The following EVA1C variants were observed in gnomAD, a reference collection of about 807,000 sequenced individuals.
EVA1C encodes the protein protein eva-1 homolog C.
A neutral mutation model predicts 45.4 loss-of-function variants in EVA1C; 25 were observed. The ratio of observed to expected loss-of-function variants is 0.55; its 90% CI spans 0.40 to 0.77. The LOEUF is 0.77. Ranked by LOEUF, EVA1C falls within the 30% of genes least tolerant of loss-of-function variation. The pLI, the probability that EVA1C is intolerant of heterozygous loss-of-function variation, is 0.00. For synonymous variants in EVA1C, 190 were observed against 221.2 expected, an observed-to-expected ratio of 0.86 and a Z score of 1.25; for missense variants, 479 against 554.8, an observed-to-expected ratio of 0.86 and a Z score of 1.37.
At chr21:32,471,030 A>T (rs2036351985) in intron 4 of EVA1C, among the ~76,000 whole-genome samples, 2 of 151,948 alleles carry the variant, frequency 1.3e-5, no homozygotes, top group Admixed American at 1.3e-4. Context: ...CAGTACTGGG[A>T]TTACAGGCGT....
rs764191574 is a variant in EVA1C at position 32,453,495 on chromosome 21, C to G, written c.344C>G (p.Ala115Gly). 8.1e-6 allele frequency: 13 copies of G among 1,603,626 alleles called. No individual in the cohort carries two copies. Among genetic ancestry groups the G allele is most frequent in the African/African-American group, 4.0e-5 (3 of 74,752 alleles). ...GAAGACAGCTTAACCTGTGTGGCAGCCACCACCTTCCAGGTATTGCCTTTT... is the reference window on the plus strand; with the variant it reads ...GAAGACAGCTTAACCTGTGTGGCAGGCACCACCTTCCAGGTATTGCCTTTT... Reference protein sequence around the residue: ...QREDSLTCVAATTFQKVLDEC... With the variant: ...QREDSLTCVAGTTFQKVLDEC... Residue 115 changes from alanine to glycine, a missense_variant, in exon 2 of 8, where the codon GCC becomes GGC. Physicochemically the swap from Ala to Gly is moderately conservative, Grantham distance 60. Around this residue, in one of 3 missense-constraint regions of EVA1C, gnomAD observed 366 missense variants for 426.1 expected, o/e 0.86. Transcript: ENST00000300255.
chr21:32,450,066 T>C (rs545060561), intron 1 of EVA1C, among the ~76,000 whole-genome samples: 1 of 152,348 alleles, frequency 6.6e-6, no homozygotes, highest in South Asian at 2.1e-4. Context: ...GTCAATTCTA[T>C]GCACTGAGCT....
chr21:32,423,965 C>T (rs1041592850), intron 1 of EVA1C, among the ~76,000 whole-genome samples: 2 of 152,136 alleles, frequency 1.3e-5, no homozygotes, highest in African/African-American at 4.8e-5. Flanking sequence ...GAATGATCTC[C>T]AAAACAAATC....
At chr21:32,510,043 CTTTTTT>C (rs58017017) in intron 7 of EVA1C, among the ~76,000 whole-genome samples, 1 of 114,530 alleles carries the variant, frequency 8.7e-6, no homozygotes, top group African/African-American at 3.8e-5. Context: ...TCCGACATTC[CTTTTTT>C]TTTTTTTTTT....
chr21:32,463,759 A>T (rs2036081700), intron 3 of EVA1C, among the ~76,000 whole-genome samples: 1 of 151,408 alleles, frequency 6.6e-6, no homozygotes, highest in Admixed American at 6.6e-5. Context: ...AACCTCTTGT[A>T]ACTTTTAAAT....
intron 3 of EVA1C, among the ~76,000 whole-genome samples, chr21:32,458,460 C>G (rs1353296424): frequency 1.4e-5 from 2 of 147,362 alleles, no homozygotes; most frequent in African/African-American, 5.0e-5. Flanking sequence ...TGTGTTTAAC[C>G]AAAAAAATGA....
At chr21:32,499,586 C>G (rs1220231842) in intron 5 of EVA1C, among the ~76,000 whole-genome samples, 1 of 152,230 alleles carries the variant, frequency 6.6e-6, no homozygotes, top group Non-Finnish European at 1.5e-5. Flanking sequence ...TAGTTAAGCC[C>G]TCTGAGAGAG....
intron 3 of EVA1C, among the ~76,000 whole-genome samples, chr21:32,466,168 C>G (rs1292094233): frequency 6.6e-6 from 1 of 152,194 alleles, no homozygotes; most frequent in South Asian, 2.1e-4. Flanking sequence ...CGCCTGTAAT[C>G]CCAGCACTTT....
chr21:32,498,189 G>A (rs1291500819), intron 5 of EVA1C, among the ~76,000 whole-genome samples: 5 of 152,210 alleles, frequency 3.3e-5, no homozygotes, highest in African/African-American at 9.6e-5. Flanking sequence ...GCTCACGCCT[G>A]TAATCCCAGC....
intron 1 of EVA1C, among the ~76,000 whole-genome samples, chr21:32,437,571 G>T (rs2035007346): frequency 6.6e-6 from 1 of 152,196 alleles, no homozygotes; most frequent in Admixed American, 6.5e-5. Flanking sequence ...TCCAGCCTCT[G>T]TGACAGCCTC....
At chr21:32,419,555 A>T (rs551553554) in intron 1 of EVA1C, among the ~76,000 whole-genome samples, 2 of 152,242 alleles carry the variant, frequency 1.3e-5, no homozygotes, top group East Asian at 1.9e-4. Context: ...TCTGTACTAA[A>T]AATACAAAAA....
intron 3 of EVA1C, among the ~76,000 whole-genome samples, chr21:32,461,170 C>T (rs993201933): frequency 6.6e-6 from 1 of 152,140 alleles, no homozygotes; most frequent in African/African-American, 2.4e-5. Flanking sequence ...CCTGTGGCTG[C>T]GGGTTGCAGG....
intron 1 of EVA1C, among the ~76,000 whole-genome samples, chr21:32,448,940 A>AAGAGAAAGAAAGAAAG (rs1568894105): frequency 2.1e-5 from 1 of 47,704 alleles, no homozygotes; most frequent in African/African-American, 2.1e-4. Flanking sequence ...AAGAGAGAGA[A>AAGAGAAAGAAAGAAAG]AGAGAGAAAG....
chr21:32,470,816 T>C (rs1000975112), intron 4 of EVA1C, among the ~76,000 whole-genome samples: 4 of 151,566 alleles, frequency 2.6e-5, no homozygotes, highest in African/African-American at 9.7e-5. Context: ...TGGAGTGCAA[T>C]GGTGCGATCT....
chr21:32,471,354 T>C (rs1601354867), intron 4 of EVA1C, among the ~76,000 whole-genome samples: 1 of 143,562 alleles, frequency 7.0e-6, no homozygotes, highest in African/African-American at 2.6e-5. Context: ...TGAGACAGAG[T>C]CTCCGTCTGT....
At chr21:32,513,551 CTTT>C (rs1165725714) in intron 7 of EVA1C, among the ~76,000 whole-genome samples, 15 of 106,778 alleles carry the variant, frequency 1.4e-4, no homozygotes, top group African/African-American at 4.3e-4. Flanking sequence ...TTTTTCTTTT[CTTT>C]TTTTTTTTTT....
At chr21:32,479,618 C>G (rs1022472634) in intron 4 of EVA1C, among the ~76,000 whole-genome samples, 1 of 152,146 alleles carries the variant, frequency 6.6e-6, no homozygotes, top group East Asian at 1.9e-4. Context: ...TTCTTTCACT[C>G]TCACTAAAAT....
At chr21:32,438,433 G>A (rs2035044793) in intron 1 of EVA1C, among the ~76,000 whole-genome samples, 1 of 129,398 alleles carries the variant, frequency 7.7e-6, no homozygotes, top group South Asian at 2.7e-4. Flanking sequence ...AGAGGCAGAG[G>A]TTGCAATCAT....
chr21:32,479,140 G>T (rs988702079), intron 4 of EVA1C, among the ~76,000 whole-genome samples: 1 of 152,270 alleles, frequency 6.6e-6, no homozygotes, highest in Admixed American at 6.5e-5. Flanking sequence ...GAAGGTGCAG[G>T]CTGGGAGCGG....
Sources: allele counts gnomAD v4.1 joint callset (sites outside exome capture counted in the v4.1 genomes callset), GRCh38; gene constraint gnomAD v4.1.1; regional missense constraint gnomAD v4.1.1; transcripts MANE v1.5; gene names NCBI Gene and HGNC (gene_info 2026-07-23, HGNC 2026-07-21).